Variants in CNTNAP2 observed in about 807,000 individuals in gnomAD.
CNTNAP2 encodes the protein contactin-associated protein-like 2.
CNTNAP2 carries 98 observed loss-of-function variants against 155.2 expected under a neutral mutation model. The ratio of observed to expected loss-of-function variants is 0.63; its 90% CI spans 0.54 to 0.75. The LOEUF is 0.75. Ranked by LOEUF, CNTNAP2 falls within the 30% of genes least tolerant of loss-of-function variation. The pLI is 0.00. For synonymous variants in CNTNAP2, 651 were observed against 631.2 expected, an observed-to-expected ratio of 1.03 and a Z score of -0.47; for missense variants, 1,727 against 1,688.1, an observed-to-expected ratio of 1.02 and a Z score of -0.40.
chr7:146,720,725 G>T (rs1801271777), intron 1 of CNTNAP2, among the ~76,000 whole-genome samples: 1 of 151,180 alleles, frequency 6.6e-6, no homozygotes, highest in African/African-American at 2.4e-5. Context: ...GTCTGTCTTT[G>T]GTTTGGTTCT....
intron 1 of CNTNAP2, among the ~76,000 whole-genome samples, chr7:146,419,106 G>T (rs148769008): frequency 7.9e-5 from 12 of 152,162 alleles, no homozygotes; most frequent in Non-Finnish European, 1.6e-4. Flanking sequence ...AGAAAAAGAG[G>T]TTCGGTGGAC....
At chr7:147,090,629 ATAAG>A (rs565985183) in intron 4 of CNTNAP2, among the ~76,000 whole-genome samples, 21 of 152,318 alleles carry the variant, frequency 1.4e-4, no homozygotes, top group Non-Finnish European at 2.9e-4. Context: ...AACTAAGAAT[ATAAG>A]TAATAATTAT....
intron 1 of CNTNAP2, among the ~76,000 whole-genome samples, chr7:146,187,359 A>G (rs1484962934): frequency 6.6e-6 from 1 of 152,178 alleles, no homozygotes; most frequent in Non-Finnish European, 1.5e-5. Context: ...GCTTTTGGCA[A>G]TGGTAGAAGC....
chr7:147,602,542 G>A (rs932125730), intron 12 of CNTNAP2, among the ~76,000 whole-genome samples: 1 of 150,828 alleles, frequency 6.6e-6, no homozygotes, highest in African/African-American at 2.4e-5. Flanking sequence ...ATAATGTGCA[G>A]GTTAGTTACA....
At chr7:148,050,276 G>C (rs916498920) in intron 15 of CNTNAP2, among the ~76,000 whole-genome samples, 2 of 152,174 alleles carry the variant, frequency 1.3e-5, no homozygotes, top group Non-Finnish European at 2.9e-5. Context: ...TGCCCCTGAA[G>C]ACCTCGCAGT....
chr7:148,111,404 G>A lies in CNTNAP2; in HGVS notation c.2384-6714G>A, dbSNP rs145560270. Among the ~76,000 whole-genome samples, 79 of 152,114 alleles carry A rather than the reference G, an allele frequency of 5.2e-4. No individual in the cohort carries two copies. In the East Asian group the frequency reaches 0.015, roughly 28 times the overall value. ...ATGAAAAAGGGGACTATCAGAGAAC[G>A]AGAAATAATACTTGGAAATTTAAAA... On this transcript the variant is annotated intron_variant, in intron 15 of 23. Coordinates refer to ENST00000361727, the MANE Select transcript of CNTNAP2 (RefSeq NM_014141.6).
intron 1 of CNTNAP2, among the ~76,000 whole-genome samples, chr7:146,175,580 T>C (rs1798458294): frequency 6.6e-6 from 1 of 152,232 alleles, no homozygotes; most frequent in Non-Finnish European, 1.5e-5. Flanking sequence ...TGATTGCCAT[T>C]AATTTTAGAA....
intron 1 of CNTNAP2, among the ~76,000 whole-genome samples, chr7:146,133,439 T>C (rs1219297483): frequency 2.0e-5 from 3 of 152,224 alleles, no homozygotes; most frequent in Non-Finnish European, 4.4e-5. Flanking sequence ...TTGTCAATTT[T>C]GGCTTTTGTT....
chr7:146,766,577 G>T (rs926346113), intron 1 of CNTNAP2, among the ~76,000 whole-genome samples: 3 of 152,092 alleles, frequency 2.0e-5, no homozygotes, highest in African/African-American at 7.2e-5. Context: ...TTTGGCCTTT[G>T]TCCTGACTTT....
intron 13 of CNTNAP2, among the ~76,000 whole-genome samples, chr7:147,776,507 T>C (rs1406013418): frequency 6.6e-6 from 1 of 152,198 alleles, no homozygotes; most frequent in Non-Finnish European, 1.5e-5. Flanking sequence ...GCCTTGGCTG[T>C]CTTAAAAAGT....
At chr7:146,424,043 GT>G (rs1796052222) in intron 1 of CNTNAP2, among the ~76,000 whole-genome samples, 1 of 152,032 alleles carries the variant, frequency 6.6e-6, no homozygotes, top group African/African-American at 2.4e-5. Flanking sequence ...GTAACTGTTA[GT>G]TTTTTTCATA....
intron 1 of CNTNAP2, among the ~76,000 whole-genome samples, chr7:146,339,790 CTT>C (rs968657081): frequency 3.9e-5 from 6 of 152,082 alleles, no homozygotes; most frequent in Non-Finnish European, 5.9e-5. Context: ...GGATTTTACT[CTT>C]TTCGTGCAAT....
chr7:148,415,132 GGTT>G (rs1403288823), intron 23 of CNTNAP2, among the ~76,000 whole-genome samples: 2 of 152,114 alleles, frequency 1.3e-5, no homozygotes, highest in Non-Finnish European at 2.9e-5. Context: ...CAGACATCAT[GGTT>G]CCTTTCTGCC....
rs201799732 is a variant in CNTNAP2, at chr7:148,048,946, TC to T, written c.2384-69171del. ...ATGTGGCTAGGCCGGGCGTGGTGGCTCGTGCCTGTAATCCCAGCACTTTGGG... is the reference window on the plus strand; with the variant it reads ...ATGTGGCTAGGCCGGGCGTGGTGGCTGTGCCTGTAATCCCAGCACTTTGGG... On this transcript the variant is annotated intron_variant, in intron 15 of 23. Transcript: ENST00000361727. 9.6e-3 allele frequency among the ~76,000 whole-genome samples: 1,467 copies of T among 152,296 alleles called. 25 individuals carry two copies. Among genetic ancestry groups the T allele is most frequent in the African/African-American group, 0.033 (1,359 of 41,568 alleles).
At chr7:146,124,469 A>C (rs1797606948) in intron 1 of CNTNAP2, among the ~76,000 whole-genome samples, 1 of 152,294 alleles carries the variant, frequency 6.6e-6, no homozygotes, top group Middle Eastern at 3.4e-3. Context: ...ACAGAACTAC[A>C]TGAAAAAATT....
chr7:147,127,013 C>T (rs1035180155), intron 6 of CNTNAP2, among the ~76,000 whole-genome samples: 6 of 152,038 alleles, frequency 3.9e-5, no homozygotes, highest in African/African-American at 1.4e-4. Flanking sequence ...AAGAAATATG[C>T]ACACAGAGGA....
At chr7:147,663,597 A>G (rs1358522998) in intron 13 of CNTNAP2, among the ~76,000 whole-genome samples, 1 of 152,252 alleles carries the variant, frequency 6.6e-6, no homozygotes, top group Non-Finnish European at 1.5e-5. Context: ...CAACGTGGCC[A>G]AACAATTTCT....
chr7:147,222,276 GT>G (rs1041771880), intron 8 of CNTNAP2, among the ~76,000 whole-genome samples: 1 of 149,986 alleles, frequency 6.7e-6, no homozygotes, highest in Admixed American at 6.6e-5. Context: ...TTTTTTTTCA[GT>G]TTTTATTCTT....
At chr7:146,955,282 T>C (rs187836786) in intron 3 of CNTNAP2, among the ~76,000 whole-genome samples, 1 of 152,152 alleles carries the variant, frequency 6.6e-6, no homozygotes, top group African/African-American at 2.4e-5. Context: ...TTGCTAAATA[T>C]TTCTCATATA....
Sources: gnomAD v4.1 joint callset for allele counts (sites outside exome capture counted in the v4.1 genomes callset) on GRCh38, gnomAD v4.1.1 for gene constraint, MANE v1.5 for transcripts, NCBI Gene and HGNC (gene_info 2026-07-23, HGNC 2026-07-21) for gene names.